CDH4: variants seen among roughly 807,000 people sequenced by gnomAD.
CDH4 encodes cadherin-4.
Under a neutral mutation model 86.0 loss-of-function variants are expected in CDH4, and 33 were observed. The ratio of observed to expected loss-of-function variants is 0.38; its 90% CI spans 0.29 to 0.51. The LOEUF is 0.51. CDH4 is among the 20% of genes least tolerant of loss of function. The pLI, the probability that CDH4 is intolerant of heterozygous loss-of-function variation, is 0.86. For synonymous variants in CDH4, 555 were observed against 549.4 expected, an observed-to-expected ratio of 1.01 and a Z score of -0.14; for missense variants, 1,114 against 1,307.4, an observed-to-expected ratio of 0.85 and a Z score of 2.28.
chr20:61,577,443 A>C (rs1016819309), intron 2 of CDH4, among the ~76,000 whole-genome samples: 4 of 152,184 alleles, frequency 2.6e-5, no homozygotes, highest in African/African-American at 9.7e-5. Flanking sequence ...GATGTTTCGC[A>C]TGTTGAAAGA....
chr20:61,756,544 C>G (rs1281936571), intron 3 of CDH4, among the ~76,000 whole-genome samples: 1 of 150,658 alleles, frequency 6.6e-6, no homozygotes, highest in Non-Finnish European at 1.5e-5. Flanking sequence ...CACCCCATCC[C>G]CTGGACCCTC....
rs537990684 is a variant in CDH4, at chr20:61,797,681, G to A, written c.576+24499G>A. Among the ~76,000 whole-genome samples the A allele has an allele frequency of 2.6e-5, 4 of 152,302 alleles. No homozygotes were observed. The South Asian group carries it at 6.2e-4, about 24-fold the overall frequency. On this transcript the variant is annotated intron_variant, in intron 4 of 15. Transcript: ENST00000614565. The stretch of plus-strand genomic sequence containing the variant: ...GCACACCTGTAGTCCCAGCTCCTCG[G>A]GAGGCTGAGGCAGCAGGATTGCTTG...
intron 2 of CDH4, among the ~76,000 whole-genome samples, chr20:61,567,881 G>A (rs1320568961): frequency 6.6e-6 from 1 of 152,160 alleles, no homozygotes; most frequent in Non-Finnish European, 1.5e-5. Flanking sequence ...CCTGAGGAAG[G>A]AGGATCCCTT....
intron 2 of CDH4, among the ~76,000 whole-genome samples, chr20:61,411,384 A>G (rs1352266369): frequency 1.3e-5 from 2 of 149,858 alleles, no homozygotes; most frequent in African/African-American, 4.9e-5. Flanking sequence ...TCCCTCATGC[A>G]AGGAAAAGCC....
At chr20:61,847,234 G>A (rs540845598) in intron 5 of CDH4, among the ~76,000 whole-genome samples, 7 of 152,310 alleles carry the variant, frequency 4.6e-5, no homozygotes, top group Admixed American at 2.6e-4. Flanking sequence ...CACACAGCAC[G>A]GCTAGGGGAC....
At chr20:61,529,597 A>G (rs554543676) in intron 2 of CDH4, among the ~76,000 whole-genome samples, 1 of 152,298 alleles carries the variant, frequency 6.6e-6, no homozygotes, top group East Asian at 1.9e-4. Context: ...GGTCTGTTCA[A>G]TGCCTCGTGT....
intron 2 of CDH4, among the ~76,000 whole-genome samples, chr20:61,524,743 A>G (rs2085898052): frequency 6.6e-6 from 1 of 152,174 alleles, no homozygotes. Context: ...TCGGCCTCCC[A>G]AAGTTCTGGG....
chr20:61,911,037 T>C (rs571689470), intron 9 of CDH4, among the ~76,000 whole-genome samples: 117 of 152,318 alleles, frequency 7.7e-4, no homozygotes, highest in Non-Finnish European at 1.4e-3. Context: ...TTTAGGCCTA[T>C]AGCGTCCTCA....
rs189684621 is a variant in CDH4 at position 61,793,713 on chromosome 20, A to C, written c.576+20531A>C. 2.5e-3 allele frequency among the ~76,000 whole-genome samples: 378 copies of C among 151,778 alleles called. 4 individuals are homozygous for C. Among genetic ancestry groups the C allele is most frequent in the African/African-American group, 8.2e-3 (341 of 41,372 alleles). On this transcript the variant is annotated intron_variant, in intron 4 of 15. Coordinates refer to ENST00000614565, the MANE Select transcript of CDH4 (RefSeq NM_001794.5). Reference sequence around the variant, plus strand: ...AAATTAGCTGGGCATGGTGGCAGACACCTGTAATCCCAGCTACTTGGGAGG... The same window carrying C: ...AAATTAGCTGGGCATGGTGGCAGACCCCTGTAATCCCAGCTACTTGGGAGG...
chr20:61,416,485 T>C (rs569615887), intron 2 of CDH4, among the ~76,000 whole-genome samples: 1 of 152,336 alleles, frequency 6.6e-6, no homozygotes, highest in Admixed American at 6.5e-5. Flanking sequence ...ATTTTCTGTG[T>C]TTTGATAGTG....
chr20:61,491,507 G>A (rs2085625643), intron 2 of CDH4, among the ~76,000 whole-genome samples: 1 of 152,224 alleles, frequency 6.6e-6, no homozygotes. Context: ...GTGCACCATG[G>A]AGAGTTTACA....
At chr20:61,721,025 C>A (rs1166043388) in intron 2 of CDH4, among the ~76,000 whole-genome samples, 1 of 152,156 alleles carries the variant, frequency 6.6e-6, no homozygotes, top group Non-Finnish European at 1.5e-5. Context: ...CCATGTGTCC[C>A]CCCGGCTCCC....
chr20:61,690,021 G>A (rs150155690), intron 2 of CDH4, among the ~76,000 whole-genome samples: 4,566 of 149,990 alleles, frequency 0.03, 146 homozygotes, highest in Middle Eastern at 0.071. Flanking sequence ...ATTCGGGTGG[G>A]GACACTGGTT....
chr20:61,762,195 G>C (rs2088642234), intron 3 of CDH4, among the ~76,000 whole-genome samples: 1 of 152,200 alleles, frequency 6.6e-6, no homozygotes, highest in Admixed American at 6.5e-5. Context: ...TCCGAGATCT[G>C]TTCTGTGCCC....
intron 2 of CDH4, among the ~76,000 whole-genome samples, chr20:61,487,255 T>A (rs1327200774): frequency 1.3e-5 from 2 of 152,178 alleles, no homozygotes; most frequent in Non-Finnish European, 2.9e-5. Flanking sequence ...TGACCGTAGT[T>A]ATGTGAGTCT....
chr20:61,870,063 T>A (rs1252402609), intron 6 of CDH4, among the ~76,000 whole-genome samples: 1 of 152,208 alleles, frequency 6.6e-6, no homozygotes, highest in Non-Finnish European at 1.5e-5. Context: ...TACGCGGGTC[T>A]CTGCCTCACA....
At chr20:61,836,159 G>T (rs1214062775) in intron 4 of CDH4, among the ~76,000 whole-genome samples, 1 of 152,236 alleles carries the variant, frequency 6.6e-6, no homozygotes, top group East Asian at 1.9e-4. Context: ...CTGCCCATCG[G>T]CTACGGGGAG....
At chr20:61,872,770 C>G (rs1265366581) in intron 6 of CDH4, among the ~76,000 whole-genome samples, 6 of 152,228 alleles carry the variant, frequency 3.9e-5, no homozygotes, top group Non-Finnish European at 8.8e-5. Context: ...GTGAGAGAGC[C>G]CGCCGTGCCA....
intron 3 of CDH4, among the ~76,000 whole-genome samples, chr20:61,770,525 A>G (rs2088761645): frequency 6.6e-6 from 1 of 152,246 alleles, no homozygotes. Context: ...TGGACGCCGC[A>G]TATACGCGTG....
Sources: allele counts gnomAD v4.1 joint callset (sites outside exome capture counted in the v4.1 genomes callset), GRCh38; gene constraint gnomAD v4.1.1; transcripts MANE v1.5; gene names NCBI Gene and HGNC (gene_info 2026-07-23, HGNC 2026-07-21).